Variants in SLCO3A1 observed in about 807,000 individuals in gnomAD.
The protein encoded by SLCO3A1 is solute carrier organic anion transporter family member 3A1.
Under a neutral mutation model 63.1 loss-of-function variants are expected in SLCO3A1, and 27 were observed. The observed-to-expected ratio is 0.43, with a 90% CI of 0.32 to 0.59. The LOEUF (loss-of-function observed/expected upper bound fraction) is 0.59. Ranked by LOEUF, SLCO3A1 falls within the 20% of genes least tolerant of loss-of-function variation. SLCO3A1 has a pLI of 0.09. For missense variants in SLCO3A1, 773 were observed against 945.8 expected (o/e 0.82, Z 2.40); for synonymous variants, 473 against 409.9 (o/e 1.15, Z -1.86).
At position 91,856,795 on chromosome 15, in the gene SLCO3A1, G is replaced by T. The variant is rs1306952961; in HGVS notation, c.180+2707G>T. Among the ~76,000 whole-genome samples the T allele has an allele frequency of 6.6e-6, 1 of 152,188 alleles. No homozygotes were observed. The highest frequency in any genetic ancestry group is 2.4e-5 in the African/African-American group (1 of 41,452). ...CCAGTAATGCTCCCTTTCACAGAGA[G>T]GAGGGTGGTTACAAATTCTATGCCA... On this transcript the variant is annotated intron_variant, in intron 1 of 9. Coordinates refer to ENST00000318445, the MANE Select transcript of SLCO3A1 (RefSeq NM_013272.4). This position sits in a 1 kb window ranked among gnomAD's most constrained non-coding sequence, Gnocchi z 4.9.
chr15:91,882,349 T>A lies in SLCO3A1; in HGVS notation c.180+28261T>A, dbSNP rs1240471550. On this transcript the variant is annotated intron_variant, in intron 1 of 9. Coordinates refer to ENST00000318445, the MANE Select transcript of SLCO3A1 (RefSeq NM_013272.4). This position sits in a 1 kb window ranked among gnomAD's most constrained non-coding sequence, Gnocchi z 4.4. ...AATGGTATATATTGAACCCATGCAT[T>A]TGCTTCTCTTTGTGTTCATAGCTCC... Among the ~76,000 whole-genome samples, 1 of 152,200 alleles carries A rather than the reference T, an allele frequency of 6.6e-6. No individual in the cohort carries two copies. Among genetic ancestry groups the A allele is most frequent in the Non-Finnish European group, 1.5e-5 (1 of 68,038 alleles).
chr15:92,092,375 G>A (rs1313449117), intron 2 of SLCO3A1, among the ~76,000 whole-genome samples: 2 of 152,112 alleles, frequency 1.3e-5, no homozygotes, highest in Non-Finnish European at 2.9e-5. Context: ...TGGGTGATGG[G>A]GGAGGTGCCG....
chr15:92,028,158 G>A (rs552719779), intron 2 of SLCO3A1, among the ~76,000 whole-genome samples: 3 of 152,336 alleles, frequency 2.0e-5, no homozygotes, highest in African/African-American at 7.2e-5. Context: ...AGAGAGGGCA[G>A]CACACAGTGG....
intron 1 of SLCO3A1, among the ~76,000 whole-genome samples, chr15:91,899,151 A>G (rs890160586): frequency 2.0e-5 from 3 of 152,220 alleles, no homozygotes; most frequent in Non-Finnish European, 4.4e-5. Flanking sequence ...CCCCAGAAAC[A>G]TTCTGGAACT....
At chr15:92,104,645 G>A in intron 4 of SLCO3A1, 103 bp downstream of exon 4, 1 of 1,210,852 alleles carries the variant, frequency 8.3e-7, no homozygotes, top group Non-Finnish European at 1.1e-6. Context: ...TGGGGACTTG[G>A]TGGAGGCAGA....
intron 2 of SLCO3A1, among the ~76,000 whole-genome samples, chr15:91,959,390 G>A (rs1449885737): frequency 4.0e-5 from 6 of 151,082 alleles, no homozygotes; most frequent in Non-Finnish European, 8.9e-5. Flanking sequence ...ACTCGTTCAT[G>A]TAATGAAAAA....
At chr15:91,971,239 CA>C (rs1334713579) in intron 2 of SLCO3A1, among the ~76,000 whole-genome samples, 1 of 151,378 alleles carries the variant, frequency 6.6e-6, no homozygotes, top group African/African-American at 2.4e-5. Flanking sequence ...ACTAAAAATA[CA>C]AAAAATTAGC....
chr15:92,117,567 A>G (rs2047810487), intron 4 of SLCO3A1, among the ~76,000 whole-genome samples: 1 of 152,182 alleles, frequency 6.6e-6, no homozygotes, highest in Admixed American at 6.5e-5. Context: ...CAAAACACAT[A>G]AACCACCGGG....
At chr15:92,136,919 A>G (rs1596133830) in intron 7 of SLCO3A1, among the ~76,000 whole-genome samples, 1 of 141,120 alleles carries the variant, frequency 7.1e-6, no homozygotes, top group Non-Finnish European at 1.5e-5. Flanking sequence ...ATGTTCTTCT[A>G]CCTTTTTATG....
downstream of SLCO3A1, among the ~76,000 whole-genome samples, chr15:92,167,861 C>T (rs7172018): frequency 0.26 from 40,038 of 152,096 alleles, 5,519 homozygotes; most frequent in Middle Eastern, 0.38. Context: ...ATGGCCCTGT[C>T]CCTTAGAAAC....
chr15:91,970,190 T>C (rs141770044), intron 2 of SLCO3A1, among the ~76,000 whole-genome samples: 8 of 152,360 alleles, frequency 5.3e-5, no homozygotes, highest in African/African-American at 1.9e-4. Flanking sequence ...AGCAAGCACA[T>C]GTAGCACATG....
chr15:91,867,042 G>A (rs1231135583), intron 1 of SLCO3A1, among the ~76,000 whole-genome samples: 1 of 152,228 alleles, frequency 6.6e-6, no homozygotes, highest in East Asian at 1.9e-4. Flanking sequence ...CTGGGATGGA[G>A]AAGGGGAGGG....
chr15:91,889,411 A>AG (rs1897815129), intron 1 of SLCO3A1, among the ~76,000 whole-genome samples: 1 of 152,148 alleles, frequency 6.6e-6, no homozygotes, highest in African/African-American at 2.4e-5. Flanking sequence ...CTTACATCCC[A>AG]GGGGTATCTT....
chr15:91,993,159 CAAG>C (rs2046148122), intron 2 of SLCO3A1, among the ~76,000 whole-genome samples: 1 of 152,176 alleles, frequency 6.6e-6, no homozygotes, highest in Non-Finnish European at 1.5e-5. Flanking sequence ...TGCCTTTGTG[CAAG>C]AAGGAGCTTG....
intron 2 of SLCO3A1, among the ~76,000 whole-genome samples, chr15:92,070,714 G>A (rs918867275): frequency 1.3e-5 from 2 of 151,928 alleles, no homozygotes; most frequent in Admixed American, 6.6e-5. Context: ...ACATAAGGAT[G>A]GAGGAGTGGG....
At chr15:92,068,974 A>AT (rs1199631427) in intron 2 of SLCO3A1, among the ~76,000 whole-genome samples, 1 of 152,146 alleles carries the variant, frequency 6.6e-6, no homozygotes, top group Non-Finnish European at 1.5e-5. Flanking sequence ...ATATTTGGAG[A>AT]TTCCTACTCT....
downstream of SLCO3A1, among the ~76,000 whole-genome samples, chr15:92,167,381 A>G (rs1344599069): frequency 6.6e-6 from 1 of 152,256 alleles, no homozygotes. Context: ...AATATCTAAG[A>G]GGTGCCAACT....
Position 91,957,043 on chromosome 15 carries a change from A to ATATATAATATATACTATATAG in SLCO3A1, c.646+40591_646+40592insATATATACTATATAGTATATA, listed in dbSNP as rs1555417643. 3.9e-3 allele frequency among the ~76,000 whole-genome samples: 41 copies of ATATATAATATATACTATATAG among 10,516 alleles called. 13 individuals are homozygous for ATATATAATATATACTATATAG. The highest frequency in any genetic ancestry group is 0.031 in the African/African-American group (40 of 1,274). 6.9% of individuals were successfully genotyped at this position (10,516 alleles called of 152,430 possible). A position where few individuals can be genotyped will look rare whatever the true frequency, so the allele number is the denominator to read the frequency against. On this transcript the variant is annotated intron_variant, in intron 2 of 9. Coordinates refer to ENST00000318445, the MANE Select transcript of SLCO3A1 (RefSeq NM_013272.4). The stretch of plus-strand genomic sequence containing the variant: ...GTATATATAATATATAATATATAGT[A>ATATATAATATATACTATATAG]TATATATAATATATACTATATATTA...
chr15:91,916,975 A>G lies in SLCO3A1; in HGVS notation c.646+517A>G, dbSNP rs1227892998. Among the ~76,000 whole-genome samples, 1 of 152,222 alleles carries G rather than the reference A, an allele frequency of 6.6e-6. No individual in the cohort carries two copies. The highest frequency in any genetic ancestry group is 1.5e-5 in the Non-Finnish European group (1 of 68,044). On this transcript the variant is annotated intron_variant, in intron 2 of 9. Transcript: ENST00000318445. This position sits in a 1 kb window ranked among gnomAD's most constrained non-coding sequence, Gnocchi z 6.2. ...ATGGAAGTATGCATGGGAATTGGGT[A>G]TGTAGAGAGAAATAAGGTATTTGTG...
Sources: allele counts gnomAD v4.1 joint callset (sites outside exome capture counted in the v4.1 genomes callset), GRCh38; gene constraint gnomAD v4.1.1; non-coding constraint Gnocchi (gnomAD v3.1); transcripts MANE v1.5; gene names NCBI Gene and HGNC (gene_info 2026-07-23, HGNC 2026-07-21).